USP34: variants seen among roughly 807,000 people sequenced by gnomAD.
USP34 encodes the protein ubiquitin carboxyl-terminal hydrolase 34.
Under a neutral mutation model 460.3 loss-of-function variants are expected in USP34, and 70 were observed. The ratio of observed to expected loss-of-function variants is 0.15; its 90% confidence interval spans 0.13 to 0.19. The LOEUF (loss-of-function observed/expected upper bound fraction) is 0.19. USP34 is among the 10% of genes least tolerant of loss of function. The pLI is 1.00. For missense variants in USP34, 3,985 were observed against 4,236.2 expected (o/e 0.94, Z 1.65); for synonymous variants, 1,647 against 1,405.3 (o/e 1.17, Z -3.85).
intron 41 of USP34, among the ~76,000 whole-genome samples, chr2:61,266,876 T>C (rs1374727851): frequency 6.6e-6 from 1 of 152,184 alleles, no homozygotes; most frequent in African/African-American, 2.4e-5. Flanking sequence ...CCTACATTGA[T>C]ACAAAACTCT....
Position 61,214,486 on chromosome 2 carries a change from T to C in USP34, c.8256A>G (p.Leu2752=). ...VDAAVHGTTK[L]VPYFSFMTYC... is the part of the protein sequence containing the mutation. ...AAGTCATAAAGCTAAAATAGGGCAC[T>C]AGCTTTGTAGTGCCATGAACAGCAG... Residue 2752 remains leucine (L), a synonymous_variant, in exon 68 of 80, where the codon CTA becomes CTG. Coordinates refer to ENST00000398571, the MANE Select transcript of USP34 (RefSeq NM_014709.4). 1 of 1,613,930 alleles carries C rather than the reference T, an allele frequency of 6.2e-7. No homozygotes were observed. Among genetic ancestry groups the C allele is most frequent in the African/African-American group, 1.3e-5 (1 of 75,028 alleles).
chr2:61,350,754 G>T, intron 10 of USP34, 61 bp from the exon 11 acceptor site: 3 of 1,535,640 alleles, frequency 2.0e-6, no homozygotes, highest in Non-Finnish European at 8.7e-7. Flanking sequence ...TAGATTACCT[G>T]ATATAAAAAC....
Position 61,248,614 on chromosome 2 carries a change from C to G in USP34, c.6291G>C (p.Thr2097=). Residue 2097 remains threonine (T), a synonymous_variant, in exon 49 of 80, where the codon ACG becomes ACC. Transcript: ENST00000398571. The part of the protein sequence containing the change: ...NTMRYTFNMV[T]MMKEKVNTHF... ...GTGTATTCACTTTCTCTTTCATCATCGTGACCATATTAAATGTGTATCTCA... is the reference window on the plus strand; with the variant it reads ...GTGTATTCACTTTCTCTTTCATCATGGTGACCATATTAAATGTGTATCTCA... 1 of 1,609,564 alleles carries G rather than the reference C, an allele frequency of 6.2e-7. No individual in the cohort carries two copies. Among genetic ancestry groups the G allele is most frequent in the African/African-American group, 1.3e-5 (1 of 74,936 alleles).
At chr2:61,447,182 A>C (rs977435649) in intron 1 of USP34, among the ~76,000 whole-genome samples, 3 of 144,350 alleles carry the variant, frequency 2.1e-5, no homozygotes, top group African/African-American at 7.7e-5. Flanking sequence ...TTGAACCCAG[A>C]AGGCAGAGGT....
At chr2:61,389,874 G>T (rs976652754) in intron 5 of USP34, among the ~76,000 whole-genome samples, 3 of 151,876 alleles carry the variant, frequency 2.0e-5, no homozygotes, top group African/African-American at 7.2e-5. Context: ...GAAAAAAAAA[G>T]TTCCTTGCTC....
At chr2:61,265,592 A>C (rs1453762513) in intron 42 of USP34, 35 bp from the exon 43 acceptor site, 151 of 1,569,708 alleles carry the variant, frequency 9.6e-5, no homozygotes, top group Non-Finnish European at 1.3e-4. Flanking sequence ...GATCCCCCCC[A>C]AACAAACTAT....
At chr2:61,462,506 G>T (rs1223645629) in intron 1 of USP34, among the ~76,000 whole-genome samples, 2 of 149,780 alleles carry the variant, frequency 1.3e-5, no homozygotes. Flanking sequence ...CCAAGATCAT[G>T]CCACTGCACT....
intron 5 of USP34, among the ~76,000 whole-genome samples, chr2:61,385,951 C>T (rs1218839669): frequency 1.4e-5 from 2 of 147,116 alleles, no homozygotes; most frequent in Admixed American, 6.9e-5. Flanking sequence ...AAGCTGAGAT[C>T]GTCCCACTGC....
chr2:61,285,508 A>C (rs1303327223), intron 34 of USP34, among the ~76,000 whole-genome samples: 12 of 149,468 alleles, frequency 8.0e-5, no homozygotes, highest in Non-Finnish European at 1.6e-4. Flanking sequence ...AAAAAAAGTA[A>C]GAAAAGAAAA....
intron 73 of USP34, 47 bp downstream of exon 73, chr2:61,204,450 G>A (rs781635867): frequency 3.1e-6 from 5 of 1,612,262 alleles, no homozygotes; most frequent in Non-Finnish European, 2.5e-6. Flanking sequence ...TGTGCAGAAC[G>A]ATTAAATGCG....
chr2:61,386,106 A>T (rs1693136675), intron 5 of USP34, among the ~76,000 whole-genome samples: 1 of 152,118 alleles, frequency 6.6e-6, no homozygotes, highest in African/African-American at 2.4e-5. Context: ...AACAGCACAA[A>T]ATTAGGCAAA....
At chr2:61,220,886 A>G (rs932174734) in intron 66 of USP34, among the ~76,000 whole-genome samples, 3 of 152,280 alleles carry the variant, frequency 2.0e-5, no homozygotes, top group African/African-American at 7.2e-5. Context: ...GGGGAATCCT[A>G]GGAATCTAGA....
chr2:61,457,967 A>G (rs1194957007), intron 1 of USP34, among the ~76,000 whole-genome samples: 1 of 152,174 alleles, frequency 6.6e-6, no homozygotes, highest in African/African-American at 2.4e-5. Context: ...AGGAAACACC[A>G]CATCTAGCCT....
intron 1 of USP34, among the ~76,000 whole-genome samples, chr2:61,462,721 C>T (rs1310000875): frequency 6.6e-6 from 1 of 151,786 alleles, no homozygotes; most frequent in East Asian, 1.9e-4. Flanking sequence ...ATTAGCCCGG[C>T]ATGATGGCAC....
At chr2:61,322,196 C>T (rs1043617247) in intron 21 of USP34, among the ~76,000 whole-genome samples, 31 of 152,214 alleles carry the variant, frequency 2.0e-4, no homozygotes, top group African/African-American at 7.0e-4. Context: ...CGCCAATGTA[C>T]TCCAGCCTGT....
Position 61,280,080 on chromosome 2 carries a change from TTAG to T in USP34, c.5256+161_5256+163del, listed in dbSNP as rs1444032200. 3.9e-4 allele frequency among the ~76,000 whole-genome samples: 59 copies of T among 152,206 alleles called. 1 individual carries two copies. The highest frequency in any genetic ancestry group is 1.4e-3 in the African/African-American group (59 of 41,530). ...GGTCTGAGTAAAAACACGAAAGGAA[TTAG>T]AAGAAGGTGGAAAAGCACAAATATA... On this transcript the variant is annotated intron_variant, in intron 39 of 79. Transcript: ENST00000398571.
chr2:61,291,877 A>G (rs190078959), intron 33 of USP34, among the ~76,000 whole-genome samples: 23 of 152,320 alleles, frequency 1.5e-4, no homozygotes, highest in African/African-American at 5.3e-4. Context: ...CATGTAATAT[A>G]ATTATAAAAA....
chr2:61,323,332 A>T (rs1185546685), intron 21 of USP34, among the ~76,000 whole-genome samples: 2 of 152,108 alleles, frequency 1.3e-5, no homozygotes, highest in African/African-American at 4.8e-5. Flanking sequence ...TAACACGGTG[A>T]AACCCCGTCT....
At chr2:61,406,280 T>C (rs946871325) in intron 2 of USP34, 152 bp from the exon 3 acceptor site, 5 of 657,856 alleles carry the variant, frequency 7.6e-6, no homozygotes, top group Non-Finnish European at 1.2e-5. Context: ...AACATAAAGA[T>C]AGCATCGCAA....
Sources: allele counts gnomAD v4.1 joint callset (sites outside exome capture counted in the v4.1 genomes callset), GRCh38; gene constraint gnomAD v4.1.1; transcripts MANE v1.5; gene names NCBI Gene and HGNC (gene_info 2026-07-23, HGNC 2026-07-21).